PIP5K1A: variants seen among roughly 807,000 people sequenced by gnomAD.
PIP5K1A encodes the protein phosphatidylinositol 4-phosphate 5-kinase type-1 alpha.
Under a neutral mutation model 72.9 loss-of-function variants are expected in PIP5K1A, and 46 were observed. The observed-to-expected ratio is 0.63, with a 90% CI of 0.50 to 0.81. The LOEUF is 0.81. Among genes scored for constraint, PIP5K1A ranks in the 30% least tolerant of loss-of-function variants. The pLI is 0.00. For synonymous variants in PIP5K1A, 228 were observed against 255.1 expected, an observed-to-expected ratio of 0.89 and a Z score of 1.01; for missense variants, 458 against 706.1, an observed-to-expected ratio of 0.65 and a Z score of 3.98.
At chr1:151,211,320 C>G (rs922892340) in intron 1 of PIP5K1A, among the ~76,000 whole-genome samples, 1 of 151,766 alleles carries the variant, frequency 6.6e-6, no homozygotes, top group Non-Finnish European at 1.5e-5. Context: ...AACCCTGTCT[C>G]TACAAAAAAT....
intron 8 of PIP5K1A, among the ~76,000 whole-genome samples, chr1:151,236,312 A>G (rs927554156): frequency 4.0e-5 from 6 of 151,412 alleles, no homozygotes; most frequent in Admixed American, 6.6e-5. Flanking sequence ...AACCGTCTCT[A>G]TGAAAAATAA....
At position 151,198,963 on chromosome 1, in the gene PIP5K1A, G is replaced by C. The variant is rs767223582; in HGVS notation, c.-34G>C. The C allele has an allele frequency of 3.8e-6, 6 of 1,598,212 alleles. No homozygotes were observed. The highest frequency in any genetic ancestry group is 3.3e-5 in the South Asian group (3 of 90,780). On this transcript the variant is annotated 5_prime_UTR_variant, in exon 1 of 16. Transcript: ENST00000368888. ...GAAGAGGAAGAACCGGATTGAAAGA[G>C]AGCCAGGCCGCTGAGGGGGAGGGGG...
intron 1 of PIP5K1A, among the ~76,000 whole-genome samples, chr1:151,209,212 A>G (rs1019239164): frequency 1.3e-5 from 2 of 152,110 alleles, no homozygotes; most frequent in African/African-American, 4.8e-5. Flanking sequence ...TGCCTCAGAT[A>G]ATCCAGCAAA....
intron 1 of PIP5K1A, among the ~76,000 whole-genome samples, chr1:151,207,534 C>CT (rs11384537): frequency 0.67 from 94,682 of 141,778 alleles, 31,699 homozygotes; most frequent in Non-Finnish European, 0.7. Context: ...CAAGATTAAT[C>CT]TTTTTTTTTT....
At chr1:151,222,495 A>G (rs1052161290) in intron 1 of PIP5K1A, among the ~76,000 whole-genome samples, 2 of 152,196 alleles carry the variant, frequency 1.3e-5, no homozygotes, top group Non-Finnish European at 2.9e-5. Flanking sequence ...AAAGTTTCAG[A>G]GCCACTCTGC....
chr1:151,222,579 CT>C (rs1688529600), intron 1 of PIP5K1A, among the ~76,000 whole-genome samples: 1 of 152,122 alleles, frequency 6.6e-6, no homozygotes, highest in Admixed American at 6.6e-5. Context: ...GAGGAGCTTA[CT>C]TTCTAGGTGG....
intron 1 of PIP5K1A, among the ~76,000 whole-genome samples, chr1:151,209,873 G>T (rs1364945792): frequency 6.6e-6 from 1 of 151,742 alleles, no homozygotes; most frequent in Non-Finnish European, 1.5e-5. Context: ...CGACTAGCCT[G>T]CATTTTTTTT....
chr1:151,225,466 C>T (rs1284545832), intron 3 of PIP5K1A, among the ~76,000 whole-genome samples: 4 of 111,930 alleles, frequency 3.6e-5, no homozygotes, highest in Non-Finnish European at 5.4e-5. Context: ...TTTACTCCTC[C>T]CTTCTTGCCT....
Position 151,199,626 on chromosome 1 carries a change from AAAG to A in PIP5K1A, c.85+549_85+551del, listed in dbSNP as rs1173539463. On this transcript the variant is annotated intron_variant, in intron 1 of 15. Transcript: ENST00000368888. Reference sequence around the variant, plus strand: ...GAGACCCTGTCTCAAAAAAAAAAAAAAAGAAGTTGCGGTAGGAAACAAGAGAAA... The same window carrying A: ...GAGACCCTGTCTCAAAAAAAAAAAAAAAGTTGCGGTAGGAAACAAGAGAAA... 3.3e-5 allele frequency among the ~76,000 whole-genome samples: 5 copies of A among 152,062 alleles called. No homozygotes were observed. In the South Asian group the frequency reaches 8.3e-4, roughly 25 times the overall value.
rs1168503193 is a variant in PIP5K1A at position 151,231,815 on chromosome 1, T to C, written c.368+14T>C. 8 of 1,613,528 alleles carry C rather than the reference T, an allele frequency of 5.0e-6. No individual in the cohort carries two copies. The highest frequency in any genetic ancestry group is 1.3e-5 in the African/African-American group (1 of 74,916). On this transcript the variant is annotated intron_variant, in intron 5 of 15. Transcript: ENST00000368888. Reference sequence around the variant, plus strand: ...CTTCTTTCCCAGGTACAGAGTTTAATGTTCAGGAGCATGTCCTGGAAATGT... The same window carrying C: ...CTTCTTTCCCAGGTACAGAGTTTAACGTTCAGGAGCATGTCCTGGAAATGT...
intron 1 of PIP5K1A, among the ~76,000 whole-genome samples, chr1:151,206,278 G>GA (rs1475002943): frequency 1.3e-5 from 2 of 152,062 alleles, no homozygotes; most frequent in East Asian, 3.8e-4. Flanking sequence ...CTAATTCCTG[G>GA]AAAATCTCTC....
intron 9 of PIP5K1A, among the ~76,000 whole-genome samples, chr1:151,237,277 G>A (rs587731450): frequency 5.5e-4 from 83 of 152,270 alleles, no homozygotes; most frequent in African/African-American, 1.3e-3. Context: ...GATTAATTTC[G>A]GGTTTATAGT....
In PIP5K1A at chr1:151,238,232, A is replaced by T; in HGVS notation, c.1196A>T (p.Tyr399Phe). 1.2e-6 allele frequency: 2 copies of T among 1,612,838 alleles called. No individual in the cohort carries two copies. The highest frequency in any genetic ancestry group is 4.5e-5 in the East Asian group (2 of 44,874). The change falls in exon 10 of 16, where the codon TAT becomes TTT. Residue 399 changes from tyrosine to phenylalanine, a missense_variant. This residue lies in a region of PIP5K1A where 220 missense variants were observed against 442.6 expected (regional missense o/e 0.50). Transcript: ENST00000368888. ...AGTAAAGGGGAAAGGCTTCTGCTTT[A>T]TATTGGCATCATTGACATTCTACAG... Reference protein sequence around the residue: ...RNSKGERLLLYIGIIDILQSY... With the variant: ...RNSKGERLLLFIGIIDILQSY...
chr1:151,235,275 G>T (rs1690687691), intron 8 of PIP5K1A, among the ~76,000 whole-genome samples: 1 of 152,024 alleles, frequency 6.6e-6, no homozygotes, highest in South Asian at 2.1e-4. Flanking sequence ...TAGTGACAGG[G>T]TTTCACCACG....
rs116097254 is a variant in PIP5K1A, at chr1:151,230,834, G to A, written c.238-837G>A. On this transcript the variant is annotated intron_variant, in intron 4 of 15. Transcript: ENST00000368888. Reference sequence around the variant, plus strand: ...GGATTAGAGGCGTGAGCCTCCGCCCGCGCCCACCCCACCCTGTTGGCCTTG... The same window carrying A: ...GGATTAGAGGCGTGAGCCTCCGCCCACGCCCACCCCACCCTGTTGGCCTTG... Among the ~76,000 whole-genome samples the A allele has an allele frequency of 4.2e-3, 644 of 152,244 alleles. 3 individuals carry two copies. The highest frequency in any genetic ancestry group is 0.013 in the African/African-American group (533 of 41,554).
At chr1:151,231,555 C>A in intron 4 of PIP5K1A, 116 bp from the exon 5 acceptor site, 1 of 859,706 alleles carries the variant, frequency 1.2e-6, no homozygotes, top group Non-Finnish European at 1.9e-6. Flanking sequence ...TGAACTATTG[C>A]TCAGACTAAA....
intron 1 of PIP5K1A, among the ~76,000 whole-genome samples, chr1:151,222,764 A>G (rs761563671): frequency 6.6e-6 from 1 of 152,200 alleles, no homozygotes. Flanking sequence ...ATCAGATTCC[A>G]TAGTTGCTAG....
chr1:151,206,918 C>T (rs1260221737), intron 1 of PIP5K1A, among the ~76,000 whole-genome samples: 4 of 151,876 alleles, frequency 2.6e-5, no homozygotes, highest in African/African-American at 9.7e-5. Flanking sequence ...AGGCTGGTCT[C>T]GAACTTCTGA....
Position 151,208,719 on chromosome 1 carries a change from CTTTTTTTTTTTTTT to C in PIP5K1A, c.85+9655_85+9668del, listed in dbSNP as rs61545057. Among the ~76,000 whole-genome samples, 140 of 43,168 alleles carry C rather than the reference CTTTTTTTTTTTTTT, an allele frequency of 3.2e-3. 3 individuals carry two copies. The highest frequency in any genetic ancestry group is 8.8e-3 in the African/African-American group (110 of 12,502). The allele number at this position is 43,168 out of a possible 152,430, so 28.3% of individuals were successfully genotyped here. On this transcript the variant is annotated intron_variant, in intron 1 of 15. Transcript: ENST00000368888. ...TTATTAAGGATGTTGTAATGGTACG[CTTTTTTTTTTTTTT>C]TTTTTTTTTTTTTTTTGGAGACGGA... is the stretch of plus-strand genomic sequence containing the variant.
Sources: allele counts gnomAD v4.1 joint callset (sites outside exome capture counted in the v4.1 genomes callset), GRCh38; gene constraint gnomAD v4.1.1; regional missense constraint gnomAD v4.1.1; transcripts MANE v1.5; gene names NCBI Gene and HGNC (gene_info 2026-07-23, HGNC 2026-07-21).